Variants in LHFPL3 observed in about 807,000 individuals in gnomAD.
The protein encoded by LHFPL3 is LHFPL tetraspan subfamily member 3, also known as LHFPL tetraspan subfamily member 3 protein.
In LHFPL3, 5 loss-of-function variants were observed where a neutral mutation model predicts 19.3. The observed-to-expected ratio is 0.26, with a 90% confidence interval of 0.14 to 0.54. LHFPL3 has a LOEUF of 0.54. Among genes scored for constraint, LHFPL3 ranks in the 20% least tolerant of loss-of-function variants. The pLI is 0.94. For missense variants in LHFPL3, 249 were observed against 307.4 expected (o/e 0.81, Z 1.42); for synonymous variants, 133 against 126.2 (o/e 1.05, Z -0.36).
intron 1 of LHFPL3, among the ~76,000 whole-genome samples, chr7:104,537,748 A>G (rs1476335232): frequency 3.9e-5 from 6 of 152,210 alleles, no homozygotes; most frequent in Non-Finnish European, 7.3e-5. Flanking sequence ...GATTATCATC[A>G]ATGACAGTGC....
rs577121242 is a variant in LHFPL3 at position 104,904,019 on chromosome 7, C to T, written c.683-2168C>T. Among the ~76,000 whole-genome samples the T allele has an allele frequency of 3.9e-5, 6 of 152,314 alleles. No homozygotes were observed. The South Asian group carries it at 1.2e-3, about 32-fold the overall frequency. ...GGAGAAATTTCCAAACTGCTTTCCACAGTGGTTGATTGTTTTGCTTTTAAT... is the reference window on the plus strand; with the variant it reads ...GGAGAAATTTCCAAACTGCTTTCCATAGTGGTTGATTGTTTTGCTTTTAAT... On this transcript the variant is annotated intron_variant, in intron 2 of 2. Transcript: ENST00000424859.
At chr7:104,350,040 G>T (rs1790143562) in intron 1 of LHFPL3, among the ~76,000 whole-genome samples, 1 of 152,088 alleles carries the variant, frequency 6.6e-6, no homozygotes, top group African/African-American at 2.4e-5. Flanking sequence ...ATAATATGAG[G>T]TGTATTATTA....
intron 1 of LHFPL3, among the ~76,000 whole-genome samples, chr7:104,465,261 C>G (rs1012984363): frequency 3.3e-5 from 5 of 152,152 alleles, no homozygotes; most frequent in African/African-American, 4.8e-5. Context: ...ACCATATCAC[C>G]ATTTTGATCA....
At chr7:104,483,294 C>T (rs1562911663) in intron 1 of LHFPL3, among the ~76,000 whole-genome samples, 1 of 152,158 alleles carries the variant, frequency 6.6e-6, no homozygotes, top group African/African-American at 2.4e-5. Flanking sequence ...AAATTTCCCA[C>T]AAGTGGTGAT....
intron 1 of LHFPL3, among the ~76,000 whole-genome samples, chr7:104,606,114 G>A (rs1334569410): frequency 2.6e-5 from 4 of 152,062 alleles, no homozygotes; most frequent in Admixed American, 2.6e-4. Flanking sequence ...TCCTGCCTTG[G>A]CCTCCCAAAG....
chr7:104,436,929 A>C (rs1171956229), intron 1 of LHFPL3, among the ~76,000 whole-genome samples: 1 of 152,216 alleles, frequency 6.6e-6, no homozygotes, highest in East Asian at 1.9e-4. Flanking sequence ...TAGAGGTGAC[A>C]CATACTTTTC....
At chr7:104,617,563 A>G (rs1020888191) in intron 1 of LHFPL3, among the ~76,000 whole-genome samples, 1 of 152,210 alleles carries the variant, frequency 6.6e-6, no homozygotes, top group African/African-American at 2.4e-5. Flanking sequence ...GGAAAATCTA[A>G]TCAATAACCT....
intron 1 of LHFPL3, among the ~76,000 whole-genome samples, chr7:104,374,349 C>G (rs773408937): frequency 1.2e-4 from 19 of 152,004 alleles, no homozygotes; most frequent in Non-Finnish European, 2.2e-4. Flanking sequence ...TCAAGCGATT[C>G]TCCTGCCTCA....
At chr7:104,608,056 A>G (rs1791138474) in intron 1 of LHFPL3, among the ~76,000 whole-genome samples, 2 of 152,182 alleles carry the variant, frequency 1.3e-5, no homozygotes, top group African/African-American at 2.4e-5. Context: ...TGGGACTGTA[A>G]ACTAGTTCAA....
intron 1 of LHFPL3, among the ~76,000 whole-genome samples, chr7:104,717,500 G>A (rs918716520): frequency 1.3e-5 from 2 of 152,096 alleles, no homozygotes; most frequent in African/African-American, 4.8e-5. Flanking sequence ...CTAAAGACTT[G>A]AACATATGTT....
At chr7:104,813,782 G>A (rs1176338950) in intron 2 of LHFPL3, among the ~76,000 whole-genome samples, 4 of 152,266 alleles carry the variant, frequency 2.6e-5, no homozygotes, top group African/African-American at 7.2e-5. Context: ...GCTGGCATCA[G>A]AGAACACGGT....
At chr7:104,702,468 A>T (rs937342567) in intron 1 of LHFPL3, among the ~76,000 whole-genome samples, 1 of 152,174 alleles carries the variant, frequency 6.6e-6, no homozygotes, top group Non-Finnish European at 1.5e-5. Flanking sequence ...GCTCATGGTG[A>T]ACCCTGCATA....
At chr7:104,625,386 G>T (rs1434701307) in intron 1 of LHFPL3, among the ~76,000 whole-genome samples, 1 of 152,150 alleles carries the variant, frequency 6.6e-6, no homozygotes, top group Admixed American at 6.5e-5. Context: ...TGATCTAGGA[G>T]CAAAGTGCTG....
chr7:104,885,068 C>T (rs1005624950), intron 2 of LHFPL3, among the ~76,000 whole-genome samples: 2 of 152,228 alleles, frequency 1.3e-5, no homozygotes, highest in African/African-American at 4.8e-5. Context: ...TATGTAGGTG[C>T]AGCGTGGACT....
chr7:104,896,659 C>A (rs1168944847), intron 2 of LHFPL3, among the ~76,000 whole-genome samples: 1 of 152,190 alleles, frequency 6.6e-6, no homozygotes, highest in Non-Finnish European at 1.5e-5. Flanking sequence ...AGGTAGAACA[C>A]ATCCAGGGTG....
chr7:104,371,598 G>T (rs1562877627), intron 1 of LHFPL3, among the ~76,000 whole-genome samples: 1 of 151,950 alleles, frequency 6.6e-6, no homozygotes, highest in African/African-American at 2.4e-5. Flanking sequence ...AAATTCTGGA[G>T]TAGTGATATT....
intron 1 of LHFPL3, among the ~76,000 whole-genome samples, chr7:104,505,927 A>G (rs1793690119): frequency 6.6e-6 from 1 of 152,246 alleles, no homozygotes. Flanking sequence ...CTCCACAGAC[A>G]GTAAACCTAA....
At chr7:104,718,567 G>A (rs1031789513) in intron 1 of LHFPL3, among the ~76,000 whole-genome samples, 4 of 152,174 alleles carry the variant, frequency 2.6e-5, no homozygotes, top group Non-Finnish European at 4.4e-5. Context: ...AAGCCAGGGT[G>A]GAGAGTGAGA....
chr7:104,360,730 TGTGTGTGTGTG>T (rs1790375612), intron 1 of LHFPL3, among the ~76,000 whole-genome samples: 1 of 150,310 alleles, frequency 6.7e-6, no homozygotes, highest in East Asian at 2.0e-4. Context: ...TGTGTGTGTG[TGTGTGTGTGTG>T]TATACATTTA....
Sources: gnomAD v4.1 joint callset for allele counts (sites outside exome capture counted in the v4.1 genomes callset) on GRCh38, gnomAD v4.1.1 for gene constraint, MANE v1.5 for transcripts, NCBI Gene and HGNC (gene_info 2026-07-23, HGNC 2026-07-21) for gene names.